Variants in VPS4B observed in about 807,000 individuals in gnomAD.
VPS4B encodes the protein vacuolar protein sorting-associated protein 4B.
A neutral mutation model predicts 56.1 loss-of-function variants in VPS4B; 23 were observed. The observed-to-expected ratio is 0.41, with a 90% CI of 0.30 to 0.58. VPS4B has a LOEUF of 0.58. Ranked by LOEUF, VPS4B falls within the 20% of genes least tolerant of loss-of-function variation. The probability of loss-of-function intolerance (pLI) is 0.29; values close to 1 mark genes in which losing one functional copy is unlikely to be tolerated. For synonymous variants in VPS4B, 177 were observed against 186.0 expected (o/e 0.95, Z 0.39); for missense variants, 372 against 531.9 (o/e 0.70, Z 2.96).
chr18:63,396,363 C>G (rs922587569), intron 9 of VPS4B: 4 of 152,262 alleles, frequency 2.6e-5, no homozygotes, highest in African/African-American at 7.2e-5. Context: ...AGAGATTCTC[C>G]CACTTCAGCC....
At position 63,422,387 on chromosome 18, in the gene VPS4B, A is replaced by C. The variant is rs1001903915; in HGVS notation, c.-128T>G. On this transcript the variant is annotated 5_prime_UTR_variant, in exon 1 of 11. Transcript: ENST00000238497. Reference sequence around the variant, plus strand: ...CGGTGGTTCTCGGACCGCGAAGGGCAGCCTCCCTTCCGGAACTTGTTTTAG... The same window carrying C: ...CGGTGGTTCTCGGACCGCGAAGGGCCGCCTCCCTTCCGGAACTTGTTTTAG... The C allele has an allele frequency of 1.5e-5, 13 of 852,776 alleles. No homozygotes were observed. Among genetic ancestry groups the C allele is most frequent in the African/African-American group, 3.6e-5 (2 of 56,068 alleles). 52.8% of individuals were successfully genotyped at this position (852,776 alleles called of 1,614,324 possible).
At chr18:63,414,244 C>T (rs564546423) in intron 1 of VPS4B, among the ~76,000 whole-genome samples, 13 of 151,340 alleles carry the variant, frequency 8.6e-5, no homozygotes, top group African/African-American at 3.1e-4. Context: ...TAGCCAGGCG[C>T]CTGTAATCCC....
At chr18:63,395,625 T>C (rs1915652244) in intron 9 of VPS4B, among the ~76,000 whole-genome samples, 1 of 152,228 alleles carries the variant, frequency 6.6e-6, no homozygotes, top group Non-Finnish European at 1.5e-5. Flanking sequence ...CATATTAGTC[T>C]TGACATACAT....
intron 10 of VPS4B, among the ~76,000 whole-genome samples, 155 bp from the exon 11 acceptor site, chr18:63,391,231 T>TC (rs1915542965): frequency 3.1e-5 from 1 of 32,124 alleles, no homozygotes; most frequent in African/African-American, 1.3e-4. Flanking sequence ...CTCCCTATTC[T>TC]TTTTTTTTTT....
chr18:63,396,729 G>A (rs1358971676), intron 9 of VPS4B: 4 of 303,646 alleles, frequency 1.3e-5, no homozygotes, highest in African/African-American at 2.2e-5. Flanking sequence ...AGGGCCAGGC[G>A]CAGTGGCTCA....
intron 4 of VPS4B, 139 bp downstream of exon 4, chr18:63,407,293 A>G: frequency 1.4e-6 from 1 of 719,840 alleles, no homozygotes; most frequent in Non-Finnish European, 2.3e-6. Flanking sequence ...AAACAAAGCC[A>G]GCACATGACT....
chr18:63,399,727 T>C (rs967204761), intron 7 of VPS4B, among the ~76,000 whole-genome samples: 2 of 152,222 alleles, frequency 1.3e-5, no homozygotes, highest in African/African-American at 4.8e-5. Flanking sequence ...AAATTATGTA[T>C]GCATATGGAA....
chr18:63,421,002 C>CACT, intron 1 of VPS4B, among the ~76,000 whole-genome samples: 1 of 143,044 alleles, frequency 7.0e-6, no homozygotes, highest in Non-Finnish European at 1.5e-5. Flanking sequence ...CACGCCACTG[C>CACT]ACTCAAGCCT....
At chr18:63,407,668 C>CA (rs1400135215) in intron 3 of VPS4B, among the ~76,000 whole-genome samples, 169 bp from the exon 4 acceptor site, 10 of 152,074 alleles carry the variant, frequency 6.6e-5, no homozygotes, top group Non-Finnish European at 1.5e-4. Flanking sequence ...AAGAAGCAGT[C>CA]ACGTTATCAT....
chr18:63,420,838 A>G (rs1349814698), intron 1 of VPS4B, among the ~76,000 whole-genome samples: 1 of 152,106 alleles, frequency 6.6e-6, no homozygotes, highest in East Asian at 1.9e-4. Context: ...TCAAGAGGCC[A>G]GCCTGGGCCA....
intron 4 of VPS4B, among the ~76,000 whole-genome samples, chr18:63,406,755 A>G (rs1238009572): frequency 6.6e-6 from 1 of 152,228 alleles, no homozygotes; most frequent in Non-Finnish European, 1.5e-5. Context: ...GCTATTGCTC[A>G]TTTCTATTTT....
At chr18:63,397,480 G>A (rs963413876) in intron 8 of VPS4B, among the ~76,000 whole-genome samples, 3 of 152,100 alleles carry the variant, frequency 2.0e-5, no homozygotes, top group Non-Finnish European at 2.9e-5. Flanking sequence ...GGTTATTTTG[G>A]CCACAGTGTT....
At chr18:63,394,437 T>C (rs1305523088) in intron 9 of VPS4B, among the ~76,000 whole-genome samples, 3 of 151,894 alleles carry the variant, frequency 2.0e-5, no homozygotes, top group Admixed American at 6.6e-5. Flanking sequence ...AACATTTAGA[T>C]GGCAATAGTC....
intron 7 of VPS4B, among the ~76,000 whole-genome samples, chr18:63,399,535 T>C (rs888197508): frequency 4.6e-5 from 7 of 152,228 alleles, no homozygotes; most frequent in Non-Finnish European, 8.8e-5. Context: ...AATATATGAA[T>C]CAAATCTCCC....
chr18:63,403,580 C>T, intron 5 of VPS4B, 127 bp downstream of exon 5: 1 of 1,037,478 alleles, frequency 9.6e-7, no homozygotes, highest in Non-Finnish European at 1.3e-6. Flanking sequence ...AAAGATATAT[C>T]ACCACCTTTT....
chr18:63,422,211 G>C (rs1328580867), intron 1 of VPS4B, 22 bp downstream of exon 1: 4 of 1,502,958 alleles, frequency 2.7e-6, no homozygotes, highest in Non-Finnish European at 3.6e-6. Flanking sequence ...TCCCTAGGGG[G>C]ACGGGAGATG....
chr18:63,412,364 A>G (rs1435527536), intron 1 of VPS4B, among the ~76,000 whole-genome samples: 2 of 152,226 alleles, frequency 1.3e-5, no homozygotes, highest in Non-Finnish European at 2.9e-5. Flanking sequence ...TGTTAAACAG[A>G]GTTTATCTTT....
At chr18:63,421,314 G>T (rs1210182791) in intron 1 of VPS4B, among the ~76,000 whole-genome samples, 1 of 152,108 alleles carries the variant, frequency 6.6e-6, no homozygotes, top group Non-Finnish European at 1.5e-5. Context: ...ATTATCATGG[G>T]TTAAGGAGTT....
At chr18:63,392,699 C>T (rs866482915) in intron 10 of VPS4B, among the ~76,000 whole-genome samples, 4 of 150,102 alleles carry the variant, frequency 2.7e-5, no homozygotes, top group East Asian at 4.0e-4. Flanking sequence ...CCACCCGCCT[C>T]GGCCTCCCAA....
Sources: gnomAD v4.1 joint callset for allele counts (sites outside exome capture counted in the v4.1 genomes callset) on GRCh38, gnomAD v4.1.1 for gene constraint, MANE v1.5 for transcripts, NCBI Gene and HGNC (gene_info 2026-07-23, HGNC 2026-07-21) for gene names.